The following SNX25 variants were observed in gnomAD, a reference collection of about 807,000 sequenced individuals.
SNX25 encodes the protein sorting nexin-25.
A neutral mutation model predicts 113.7 loss-of-function variants in SNX25; 62 were observed. The ratio of observed to expected loss-of-function variants is 0.55; its 90% CI spans 0.44 to 0.67. The LOEUF is 0.67. Among genes scored for constraint, SNX25 ranks in the 30% least tolerant of loss-of-function variants. The pLI is 0.00. For missense variants in SNX25, 1,014 were observed against 1,161.0 expected (o/e 0.87, Z 1.84); for synonymous variants, 421 against 436.2 (o/e 0.97, Z 0.43).
At chr4:185,285,559 C>T (rs948729251) in intron 5 of SNX25, among the ~76,000 whole-genome samples, 5 of 152,186 alleles carry the variant, frequency 3.3e-5, no homozygotes, top group African/African-American at 1.2e-4. Flanking sequence ...TGTGGAAGCA[C>T]GTCAAGTCTT....
intron 7 of SNX25, among the ~76,000 whole-genome samples, chr4:185,315,588 C>T (rs2095067440): frequency 6.6e-6 from 1 of 152,188 alleles, no homozygotes. Flanking sequence ...GCCACTGTGT[C>T]TGGCCTCACT....
chr4:185,231,602 T>A (rs934646133), intron 1 of SNX25, among the ~76,000 whole-genome samples: 1 of 151,300 alleles, frequency 6.6e-6, no homozygotes, highest in African/African-American at 2.4e-5. Context: ...TCCCAGCTAC[T>A]CGGGAGGCTG....
At chr4:185,296,931 A>G (rs1304391637) in intron 6 of SNX25, among the ~76,000 whole-genome samples, 1 of 152,130 alleles carries the variant, frequency 6.6e-6, no homozygotes, top group Non-Finnish European at 1.5e-5. Context: ...GGCTAATTTC[A>G]ATGGGCTTTT....
At chr4:185,257,132 A>G (rs1178459336) in intron 2 of SNX25, among the ~76,000 whole-genome samples, 1 of 151,712 alleles carries the variant, frequency 6.6e-6, no homozygotes, top group Non-Finnish European at 1.5e-5. Flanking sequence ...ATTTATCTGA[A>G]ATGACATCTG....
chr4:185,245,485 C>T (rs1210101666), intron 1 of SNX25, among the ~76,000 whole-genome samples: 2 of 151,926 alleles, frequency 1.3e-5, no homozygotes, highest in Non-Finnish European at 2.9e-5. Flanking sequence ...TTACAGGTGC[C>T]CGCCACCACG....
In SNX25 at chr4:185,232,421, C is replaced by T. The variant is rs530265458; in HGVS notation, c.430-14873C>T. On this transcript the variant is annotated intron_variant, in intron 1 of 18. Transcript: ENST00000652585. The surrounding 1 kb of genome is among the most constrained non-coding windows in gnomAD (Gnocchi z 4.4). ...TGCAATTTTCTTCCCTTTTATGGGC[C>T]GACCCCTCCTCTGCATCCTGTTTGC... is the stretch of plus-strand genomic sequence containing the variant. Among the ~76,000 whole-genome samples, 3 of 152,180 alleles carry T rather than the reference C, an allele frequency of 2.0e-5. No homozygotes were observed. Among genetic ancestry groups the T allele is most frequent in the African/African-American group, 7.2e-5 (3 of 41,518 alleles).
intron 12 of SNX25, among the ~76,000 whole-genome samples, chr4:185,345,574 C>T (rs1301418978): frequency 7.2e-5 from 11 of 152,050 alleles, no homozygotes; most frequent in African/African-American, 1.9e-4. Flanking sequence ...GCAGGAGGAT[C>T]GCTTGTATCC....
chr4:185,235,585 T>A (rs1364352726), intron 1 of SNX25, among the ~76,000 whole-genome samples: 1 of 152,198 alleles, frequency 6.6e-6, no homozygotes, highest in Non-Finnish European at 1.5e-5. Flanking sequence ...CGGTTTCTTC[T>A]CAGCCGATAG....
chr4:185,365,690 A>ATAAT (rs1554015802), downstream of SNX25: 2 of 144,272 alleles, frequency 1.4e-5, no homozygotes, highest in Non-Finnish European at 3.0e-5. Flanking sequence ...AAAAAAAAAA[A>ATAAT]AATAATAATA....
At chr4:185,252,978 T>C (rs1354540829) in intron 2 of SNX25, among the ~76,000 whole-genome samples, 1 of 152,208 alleles carries the variant, frequency 6.6e-6, no homozygotes, top group Non-Finnish European at 1.5e-5. Context: ...ACTCTTCTTT[T>C]TGAGAAGGCA....
intron 1 of SNX25, among the ~76,000 whole-genome samples, chr4:185,216,513 GTTTTTTTTTT>G (rs34410263): frequency 2.7e-4 from 26 of 96,738 alleles, no homozygotes; most frequent in African/African-American, 1.0e-3. Context: ...TGTGTATTTG[GTTTTTTTTTT>G]TTTTTTTTTT....
intron 1 of SNX25, among the ~76,000 whole-genome samples, chr4:185,239,352 G>GC (rs1560920989): frequency 6.6e-6 from 1 of 152,020 alleles, no homozygotes; most frequent in Non-Finnish European, 1.5e-5. Flanking sequence ...GCGTGGTGGT[G>GC]GGCACCTGTA....
At chr4:185,242,606 G>A (rs1477005655) in intron 1 of SNX25, among the ~76,000 whole-genome samples, 1 of 152,228 alleles carries the variant, frequency 6.6e-6, no homozygotes, top group African/African-American at 2.4e-5. Context: ...GAGCTTTCAT[G>A]CCCTCCCTGG....
At chr4:185,308,051 G>A (rs576251121) in intron 6 of SNX25, among the ~76,000 whole-genome samples, 7 of 152,260 alleles carry the variant, frequency 4.6e-5, no homozygotes, top group Admixed American at 3.3e-4. Context: ...GGGCCACCAC[G>A]CCGGGCCCAC....
intron 8 of SNX25, 66 bp downstream of exon 8, chr4:185,320,930 A>G: frequency 7.1e-7 from 1 of 1,399,332 alleles, no homozygotes; most frequent in Non-Finnish European, 9.5e-7. Context: ...GTGAGGCAGC[A>G]TGTCTGTTTT....
At chr4:185,247,229 T>G in intron 1 of SNX25, 65 bp from the exon 2 acceptor site, 3 of 797,930 alleles carry the variant, frequency 3.8e-6, no homozygotes, top group Non-Finnish European at 5.5e-6. Context: ...ATACCTTTGA[T>G]TTTTTTTTTT....
intron 8 of SNX25, among the ~76,000 whole-genome samples, chr4:185,323,173 A>G (rs1324636486): frequency 6.6e-6 from 1 of 152,176 alleles, no homozygotes; most frequent in Non-Finnish European, 1.5e-5. Flanking sequence ...AGTTACTTAT[A>G]TTAGGTAAAA....
chr4:185,328,331 G>C (rs11723704), intron 9 of SNX25, among the ~76,000 whole-genome samples: 23,163 of 151,964 alleles, frequency 0.15, 2,487 homozygotes, highest in African/African-American at 0.31. Context: ...GGTTCCATAA[G>C]GAAAACAGAT....
intron 2 of SNX25, among the ~76,000 whole-genome samples, chr4:185,249,651 T>C (rs1745367116): frequency 6.7e-6 from 1 of 149,586 alleles, no homozygotes; most frequent in Non-Finnish European, 1.5e-5. Context: ...TTTAGATAGA[T>C]AGGATGATGA....
Sources: gnomAD v4.1 joint callset for allele counts (sites outside exome capture counted in the v4.1 genomes callset) on GRCh38, gnomAD v4.1.1 for gene constraint, Gnocchi (gnomAD v3.1) non-coding constraint, MANE v1.5 for transcripts, NCBI Gene and HGNC (gene_info 2026-07-23, HGNC 2026-07-21) for gene names.